IL1RAPL2: variants seen among roughly 807,000 people sequenced by gnomAD.
IL1RAPL2 encodes the protein X-linked interleukin-1 receptor accessory protein-like 2.
IL1RAPL2 carries 3 observed loss-of-function variants against 44.1 expected under a neutral mutation model. That is an observed-to-expected ratio of 0.07 (90% CI 0.03 to 0.18). IL1RAPL2 has a LOEUF of 0.18. IL1RAPL2 is among the 10% of genes least tolerant of loss of function. The pLI is 1.00. For missense variants in IL1RAPL2, 391 were observed against 496.4 expected (o/e 0.79, Z 2.02); for synonymous variants, 181 against 178.8 (o/e 1.01, Z -0.10).
intron 6 of IL1RAPL2, among the ~76,000 whole-genome samples, chrX:105,689,543 GTA>G (rs2147530352): frequency 8.9e-6 from 1 of 112,042 alleles, no homozygotes; most frequent in East Asian, 2.8e-4. Flanking sequence ...AGTTAGAATG[GTA>G]ATCATTAAAA....
At chrX:104,802,812 G>C (rs1290082742) in intron 2 of IL1RAPL2, among the ~76,000 whole-genome samples, 1 of 111,059 alleles carries the variant, frequency 9.0e-6, no homozygotes, top group African/African-American at 3.3e-5. Context: ...CTGTCCTCTA[G>C]AATATCAATC....
chrX:105,199,808 G>A (rs782511114), intron 3 of IL1RAPL2, among the ~76,000 whole-genome samples: 95 of 112,208 alleles, frequency 8.5e-4, no homozygotes, highest in Non-Finnish European at 1.5e-3. Flanking sequence ...AGAGATAGGT[G>A]GAACTGTTGA....
chrX:104,893,622 T>A (rs992898856), intron 2 of IL1RAPL2, among the ~76,000 whole-genome samples: 4 of 111,530 alleles, frequency 3.6e-5, no homozygotes, highest in Non-Finnish European at 7.5e-5. Flanking sequence ...CTGCCTTTTT[T>A]TGTTTTCCAT....
intron 2 of IL1RAPL2, among the ~76,000 whole-genome samples, chrX:104,941,157 A>C (rs1925163060): frequency 9.0e-6 from 1 of 110,716 alleles, no homozygotes; most frequent in Non-Finnish European, 1.9e-5. Flanking sequence ...GTGCCGCAAT[A>C]AACATATGTG....
chrX:104,568,978 TG>T (rs1226026964), intron 1 of IL1RAPL2, among the ~76,000 whole-genome samples: 1 of 111,813 alleles, frequency 8.9e-6, no homozygotes, highest in Non-Finnish European at 1.9e-5. Flanking sequence ...ATTACTGAGG[TG>T]GAAGCAGCTG....
chrX:104,982,692 G>T (rs1400316186), intron 2 of IL1RAPL2, among the ~76,000 whole-genome samples: 1 of 110,979 alleles, frequency 9.0e-6, no homozygotes, highest in Admixed American at 9.6e-5. Flanking sequence ...TTGTTCTTTA[G>T]TGCTTTTAAA....
intron 5 of IL1RAPL2, among the ~76,000 whole-genome samples, chrX:105,371,833 G>A (rs2035343212): frequency 9.0e-6 from 1 of 111,632 alleles, no homozygotes; most frequent in African/African-American, 3.3e-5. Flanking sequence ...CAATAAACCA[G>A]TGATGAAGAT....
intron 2 of IL1RAPL2, among the ~76,000 whole-genome samples, chrX:104,811,125 C>T (rs1339469687): frequency 9.0e-6 from 1 of 111,022 alleles, no homozygotes; most frequent in Non-Finnish European, 1.9e-5. Context: ...TAGTACCTAC[C>T]TGTAAGTGTG....
intron 2 of IL1RAPL2, among the ~76,000 whole-genome samples, chrX:105,041,800 G>T (rs1200798141): frequency 2.7e-5 from 3 of 109,841 alleles, no homozygotes; most frequent in African/African-American, 1.0e-4. Context: ...CAAAGCTGGA[G>T]GCATCACGCT....
chrX:104,685,950 ATAAAT>A (rs1264238242), intron 2 of IL1RAPL2, among the ~76,000 whole-genome samples: 1 of 109,440 alleles, frequency 9.1e-6, no homozygotes, highest in Admixed American at 9.8e-5. Flanking sequence ...TAATAAATAA[ATAAAT>A]AAATAAATAA....
At position 105,086,092 on chromosome X, in the gene IL1RAPL2, G is replaced by A. The variant is rs73527974; in HGVS notation, c.83-109383G>A. Among the ~76,000 whole-genome samples the A allele has an allele frequency of 2.8e-3, 315 of 111,027 alleles. 2 individuals carry two copies. The highest frequency in any genetic ancestry group is 9.7e-3 in the African/African-American group (297 of 30,504). The stretch of plus-strand genomic sequence containing the variant: ...AACCTGCACAGTTCAAACTCATGTC[G>A]TTCCAGTGTCAACAGTATTTACAAA... On this transcript the variant is annotated intron_variant, in intron 2 of 10. Coordinates refer to ENST00000372582, the MANE Select transcript of IL1RAPL2 (RefSeq NM_017416.2).
chrX:104,807,657 C>T (rs1280672340), intron 2 of IL1RAPL2, among the ~76,000 whole-genome samples: 1 of 111,552 alleles, frequency 9.0e-6, no homozygotes, highest in Non-Finnish European at 1.9e-5. Flanking sequence ...ATCATGCATC[C>T]TTCCAGATCT....
intron 2 of IL1RAPL2, among the ~76,000 whole-genome samples, chrX:104,869,928 G>A (rs1391547624): frequency 8.9e-6 from 1 of 111,847 alleles, no homozygotes; most frequent in Middle Eastern, 4.6e-3. Context: ...ACATCTGGGT[G>A]GATGTAGTGT....
chrX:105,694,428 G>A (rs1264014435), intron 6 of IL1RAPL2, among the ~76,000 whole-genome samples: 1 of 111,829 alleles, frequency 8.9e-6, no homozygotes, highest in Non-Finnish European at 1.9e-5. Context: ...AGAGGGTGAG[G>A]AAGATGAAAC....
chrX:105,135,551 G>C (rs1171293218), intron 2 of IL1RAPL2, among the ~76,000 whole-genome samples: 1 of 111,671 alleles, frequency 9.0e-6, no homozygotes. Context: ...AATATATGAT[G>C]GTAGAATGAG....
chrX:105,600,808 ATTTCATTTAAATTTTTAGTGTTTAAT>A (rs2147822327), intron 6 of IL1RAPL2, among the ~76,000 whole-genome samples: 1 of 110,721 alleles, frequency 9.0e-6, no homozygotes, highest in East Asian at 2.8e-4. Context: ...ATGAACACTG[ATTTCATTTAAATTTTTAGTGTTTAAT>A]TGCCTTAATG....
chrX:105,732,766 A>G (rs1461274028), intron 7 of IL1RAPL2, among the ~76,000 whole-genome samples: 2 of 111,399 alleles, frequency 1.8e-5, no homozygotes, highest in African/African-American at 3.3e-5. Context: ...ACACCATACC[A>G]TGTCACAAGT....
chrX:104,679,152 T>G (rs1302926159), intron 2 of IL1RAPL2, among the ~76,000 whole-genome samples: 1 of 111,210 alleles, frequency 9.0e-6, no homozygotes, highest in Non-Finnish European at 1.9e-5. Context: ...CACTACCCGT[T>G]GTGTACTTTT....
chrX:104,608,172 T>C (rs996206397), intron 1 of IL1RAPL2, among the ~76,000 whole-genome samples: 2 of 109,363 alleles, frequency 1.8e-5, no homozygotes, highest in Non-Finnish European at 3.8e-5. Flanking sequence ...AAGTGGGAGT[T>C]GAACAATGAG....
Sources: gnomAD v4.1 joint callset for allele counts (sites outside exome capture counted in the v4.1 genomes callset) on GRCh38, gnomAD v4.1.1 for gene constraint, MANE v1.5 for transcripts, NCBI Gene and HGNC (gene_info 2026-07-23, HGNC 2026-07-21) for gene names.